Variants in PIGZ observed in about 807,000 individuals in gnomAD.
The protein encoded by PIGZ is phosphatidylinositol glycan anchor biosynthesis class Z (Gwada blood group).
PIGZ carries 16 observed loss-of-function variants against 16.4 expected under a neutral mutation model. That is an observed-to-expected ratio of 0.97 (90% CI 0.66 to 1.48). The LOEUF is 1.48. PIGZ is among the 40% of genes most tolerant of loss of function. The pLI is 0.00. For missense variants in PIGZ, 770 were observed against 739.2 expected, an observed-to-expected ratio of 1.04 and a Z score of -0.48; for synonymous variants, 409 against 338.4, an observed-to-expected ratio of 1.21 and a Z score of -2.29.
intron 2 of PIGZ, among the ~76,000 whole-genome samples, chr3:196,949,655 A>G (rs1717183218): frequency 6.6e-6 from 1 of 152,224 alleles, no homozygotes; most frequent in African/African-American, 2.4e-5. Flanking sequence ...AGCTGCTCGT[A>G]GGATTTTGAG....
intron 1 of PIGZ, among the ~76,000 whole-genome samples, chr3:196,961,033 C>G (rs926318600): frequency 3.3e-5 from 5 of 152,178 alleles, no homozygotes; most frequent in Non-Finnish European, 7.3e-5. Context: ...TACCATCTTC[C>G]TGCTGCTTTG....
intron 2 of PIGZ, among the ~76,000 whole-genome samples, chr3:196,950,726 C>A (rs576316020): frequency 2.6e-5 from 4 of 151,360 alleles, no homozygotes; most frequent in Non-Finnish European, 5.9e-5. Flanking sequence ...AATATCTATT[C>A]CCTCCTCCTT....
chr3:196,959,781 CA>C (rs1717636601), intron 1 of PIGZ, among the ~76,000 whole-genome samples: 1 of 152,192 alleles, frequency 6.6e-6, no homozygotes, highest in Non-Finnish European at 1.5e-5. Flanking sequence ...TCAGGCCCCC[CA>C]CACTGCCTGC....
intron 1 of PIGZ, among the ~76,000 whole-genome samples, chr3:196,955,156 G>A (rs1002313824): frequency 1.3e-5 from 2 of 151,988 alleles, no homozygotes; most frequent in South Asian, 2.1e-4. Flanking sequence ...GACCTCCTGC[G>A]TTCAAGCAAT....
chr3:196,968,444 G>A (rs1718024032), intron 1 of PIGZ, among the ~76,000 whole-genome samples: 1 of 152,224 alleles, frequency 6.6e-6, no homozygotes. Context: ...CTGGGCAAAT[G>A]TCACCGCTGC....
At chr3:196,962,998 C>T (rs574451582) in intron 1 of PIGZ, among the ~76,000 whole-genome samples, 8 of 152,368 alleles carry the variant, frequency 5.3e-5, no homozygotes, top group Admixed American at 2.6e-4. Context: ...CTCAGTCTCT[C>T]GTCTCCACCT....
In PIGZ at chr3:196,952,499, A is replaced by G. The variant is rs181744593; in HGVS notation, c.1-468T>C. On this transcript the variant is annotated intron_variant, in intron 1 of 2. Coordinates refer to ENST00000412723, the MANE Select transcript of PIGZ (RefSeq NM_025163.4). The stretch of plus-strand genomic sequence containing the variant: ...GTCACCCAGGCTGGAGTGCGGTGGC[A>G]TGATCTGGGCTCACCGCAACCTCCA... 5.4e-3 allele frequency among the ~76,000 whole-genome samples: 820 copies of G among 152,276 alleles called. 6 individuals carry two copies. Among genetic ancestry groups the G allele is most frequent in the African/African-American group, 0.019 (780 of 41,552 alleles).
At position 196,966,952 on chromosome 3, in the gene PIGZ, G is replaced by C. The variant is rs149325979; in HGVS notation, c.-1+1735C>G. On this transcript the variant is annotated intron_variant, in intron 1 of 2. Coordinates refer to ENST00000412723, the MANE Select transcript of PIGZ (RefSeq NM_025163.4). The stretch of plus-strand genomic sequence containing the variant: ...TTAGGATGAAGCGACAGGGCCCAGA[G>C]TCGTGGAGATTGGACTGGGGGGCAG... 9.1e-4 allele frequency among the ~76,000 whole-genome samples: 138 copies of C among 152,242 alleles called. 1 individual carries two copies. The South Asian group carries it at 0.017, about 19-fold the overall frequency.
intron 1 of PIGZ, among the ~76,000 whole-genome samples, chr3:196,963,699 TAAC>T (rs1717809566): frequency 6.6e-6 from 1 of 152,240 alleles, no homozygotes; most frequent in Non-Finnish European, 1.5e-5. Flanking sequence ...GAGCTTACCC[TAAC>T]AACAGGTTCT....
chr3:196,952,028 G>A lies in PIGZ; in HGVS notation c.4C>T (p.Gln2Ter). 2.5e-6 allele frequency: 4 copies of A among 1,613,202 alleles called. No homozygotes were observed. Among genetic ancestry groups the A allele is most frequent in the Non-Finnish European group, 3.4e-6 (4 of 1,179,450 alleles). ...GATGCTACGCTGGATCCACAGATCT[G>A]CATCTGTTGAGGATAACAGTTGTTG... The part of the protein sequence containing the change: M[Q>*]ICGSSVASVA... Residue 2 changes from glutamine to a stop codon, truncating the protein, a stop_gained, in exon 2 of 3, where the codon CAG becomes TAG. Coordinates refer to ENST00000412723, the MANE Select transcript of PIGZ (RefSeq NM_025163.4). LOFTEE classifies it high-confidence loss of function.
intron 1 of PIGZ, among the ~76,000 whole-genome samples, chr3:196,955,549 C>T (rs1717443860): frequency 6.9e-6 from 1 of 144,284 alleles, no homozygotes; most frequent in Admixed American, 7.1e-5. Context: ...CATCATTTTC[C>T]AGCCTTTTCT....
At chr3:196,950,364 G>A (rs1717225566) in intron 2 of PIGZ, among the ~76,000 whole-genome samples, 1 of 152,210 alleles carries the variant, frequency 6.6e-6, no homozygotes. Flanking sequence ...TGCCTGTTCT[G>A]TAACCCTGTG....
chr3:196,964,564 G>C (rs910129614), intron 1 of PIGZ, among the ~76,000 whole-genome samples: 10 of 149,208 alleles, frequency 6.7e-5, no homozygotes, highest in Non-Finnish European at 3.0e-5. Context: ...CACCATCTTG[G>C]CCAGGCTGGT....
chr3:196,964,310 A>G (rs543790181), intron 1 of PIGZ, among the ~76,000 whole-genome samples: 1 of 152,180 alleles, frequency 6.6e-6, no homozygotes, highest in Non-Finnish European at 1.5e-5. Flanking sequence ...CGGCCTCCCA[A>G]AGTGCTGGGA....
rs1716874499 is a variant in PIGZ at position 196,946,363 on chromosome 3, C to G, written c.*794G>C. 6.6e-6 allele frequency: 1 copy of G among 152,218 alleles called. No individual in the cohort carries two copies. Among genetic ancestry groups the G allele is most frequent in the Admixed American group, 6.5e-5 (1 of 15,284 alleles). The allele number at this position is 152,218 out of a possible 1,614,324, so 9.4% of individuals were successfully genotyped here. ...GAAAGTAGGGAGAAAATCTCCAGTG[C>G]TATTATATATTTCAAACATTACTTG... On this transcript the variant is annotated 3_prime_UTR_variant, in exon 3 of 3. Transcript: ENST00000412723.
chr3:196,961,712 T>TC lies in PIGZ; in HGVS notation c.-1+6974dup, dbSNP rs1334182229. On this transcript the variant is annotated intron_variant, in intron 1 of 2. Transcript: ENST00000412723. The stretch of plus-strand genomic sequence containing the variant: ...TCTTTGTGTGGACATAATCCTCAGT[T>TC]CCAGCCATCTCGTCCAGACATGACA... Among the ~76,000 whole-genome samples the TC allele has an allele frequency of 2.0e-5, 3 of 152,232 alleles. No individual in the cohort carries two copies. The East Asian group carries it at 5.8e-4, about 29-fold the overall frequency.
intron 1 of PIGZ, among the ~76,000 whole-genome samples, chr3:196,957,483 A>G: frequency 6.6e-6 from 1 of 151,850 alleles, no homozygotes. Flanking sequence ...CCCAGGTTCA[A>G]GCAATTCTCC....
At chr3:196,960,737 GAGAAAGAAAGAA>G (rs377421215) in intron 1 of PIGZ, among the ~76,000 whole-genome samples, 3 of 140,394 alleles carry the variant, frequency 2.1e-5, no homozygotes, top group African/African-American at 8.0e-5. Context: ...AAGAAAGAAA[GAGAAAGAAAGAA>G]AGAAAGAAAG....
At position 196,948,596 on chromosome 3, in the gene PIGZ, C is replaced by T; in HGVS notation, c.301G>A (p.Gly101Ser). Residue 101 changes from glycine (G) to serine (S), a missense_variant, in exon 3 of 3, where the codon GGT becomes AGT. Gly to Ser is a moderately conservative substitution (Grantham distance 56). Transcript: ENST00000412723. ...RSVLFPLLIS[G>S]STFWLLRLWE... Reference sequence around the variant, plus strand: ...AGCCTGAGCAGCCAGAAGGTGGAACCAGAGATCAGCAGGGGGAAGAGCACC... The same window carrying T: ...AGCCTGAGCAGCCAGAAGGTGGAACTAGAGATCAGCAGGGGGAAGAGCACC... The T allele has an allele frequency of 6.4e-7, 1 of 1,569,590 alleles. No homozygotes were observed. Among genetic ancestry groups the T allele is most frequent in the Non-Finnish European group, 8.6e-7 (1 of 1,159,776 alleles).
Sources: gnomAD v4.1 joint callset for allele counts (sites outside exome capture counted in the v4.1 genomes callset) on GRCh38, gnomAD v4.1.1 for gene constraint, MANE v1.5 for transcripts, NCBI Gene and HGNC (gene_info 2026-07-23, HGNC 2026-07-21) for gene names.